TNR: variants seen among roughly 807,000 people sequenced by gnomAD.
The protein encoded by TNR is tenascin-R.
In TNR, 45 loss-of-function variants were observed where a neutral mutation model predicts 150.4. The ratio of observed to expected loss-of-function variants is 0.30; its 90% CI spans 0.24 to 0.38. TNR has a LOEUF of 0.38. TNR is among the 10% of genes least tolerant of loss of function. The probability of loss-of-function intolerance (pLI) is 1.00; values close to 1 mark genes in which losing one functional copy is unlikely to be tolerated. For missense variants in TNR, 1,544 were observed against 1,759.1 expected, an observed-to-expected ratio of 0.88 and a Z score of 2.19; for synonymous variants, 687 against 678.4, an observed-to-expected ratio of 1.01 and a Z score of -0.20.
intron 1 of TNR, among the ~76,000 whole-genome samples, chr1:175,590,815 G>A (rs900086455): frequency 6.6e-6 from 1 of 152,236 alleles, no homozygotes; most frequent in Non-Finnish European, 1.5e-5. Flanking sequence ...AGGTAGTCAG[G>A]TGCCAGGGGC....
At chr1:175,656,365 G>A (rs563026442) in intron 1 of TNR, among the ~76,000 whole-genome samples, 2 of 152,264 alleles carry the variant, frequency 1.3e-5, no homozygotes, top group Non-Finnish European at 1.5e-5. Context: ...GCTGTCAGAC[G>A]AAAATATTTT....
At chr1:175,654,903 T>C (rs1665127926) in intron 1 of TNR, among the ~76,000 whole-genome samples, 2 of 151,992 alleles carry the variant, frequency 1.3e-5, no homozygotes, top group Admixed American at 6.6e-5. Flanking sequence ...TTTGTATTTT[T>C]AGTAGAGACA....
intron 1 of TNR, among the ~76,000 whole-genome samples, chr1:175,637,344 T>A (rs1664516403): frequency 6.6e-6 from 1 of 152,194 alleles, no homozygotes; most frequent in South Asian, 2.1e-4. Context: ...AAAGTAGAGA[T>A]AACATGGATA....
chr1:175,557,169 C>T (rs1661193428), intron 1 of TNR, among the ~76,000 whole-genome samples: 2 of 152,190 alleles, frequency 1.3e-5, no homozygotes, highest in South Asian at 4.1e-4. Flanking sequence ...CCACATGACA[C>T]TGGAAGCAGA....
chr1:175,386,326 C>A (rs1652927992), intron 7 of TNR, 25 bp from the exon 8 acceptor site: 2 of 1,513,154 alleles, frequency 1.3e-6, no homozygotes, highest in Admixed American at 2.2e-5. Flanking sequence ...TCAAACAGAA[C>A]AAAAAGTTTG....
chr1:175,677,470 T>C (rs1665897347), intron 1 of TNR, among the ~76,000 whole-genome samples: 1 of 152,140 alleles, frequency 6.6e-6, no homozygotes, highest in South Asian at 2.1e-4. Flanking sequence ...CACGAGGGAC[T>C]CTCCCATCAG....
At chr1:175,501,499 G>T (rs1173270106) in intron 2 of TNR, among the ~76,000 whole-genome samples, 1 of 152,228 alleles carries the variant, frequency 6.6e-6, no homozygotes, top group Non-Finnish European at 1.5e-5. Flanking sequence ...ATTGATTGCA[G>T]CCTTGTGAGG....
chr1:175,547,871 C>A (rs890772427), intron 1 of TNR, among the ~76,000 whole-genome samples: 15 of 152,150 alleles, frequency 9.9e-5, no homozygotes, highest in Admixed American at 5.9e-4. Context: ...CTGTAGAGAG[C>A]GTTGAATGCA....
intron 1 of TNR, among the ~76,000 whole-genome samples, chr1:175,707,502 A>G (rs1666873266): frequency 6.6e-6 from 1 of 152,228 alleles, no homozygotes; most frequent in Non-Finnish European, 1.5e-5. Flanking sequence ...TCCCAAATTT[A>G]TAAAGAAACA....
intron 2 of TNR, among the ~76,000 whole-genome samples, chr1:175,435,290 G>A (rs1314490310): frequency 6.6e-6 from 1 of 152,182 alleles, no homozygotes; most frequent in Non-Finnish European, 1.5e-5. Flanking sequence ...GATACATTTT[G>A]AAGGAAGAAT....
chr1:175,385,245 G>C (rs1253380045), intron 8 of TNR, among the ~76,000 whole-genome samples: 1 of 152,196 alleles, frequency 6.6e-6, no homozygotes, highest in East Asian at 1.9e-4. Context: ...GTGCCAGAAA[G>C]CCTGTCCTTT....
intron 1 of TNR, among the ~76,000 whole-genome samples, chr1:175,675,770 G>A (rs1001817503): frequency 6.6e-6 from 1 of 152,172 alleles, no homozygotes; most frequent in African/African-American, 2.4e-5. Context: ...TGGGTGGGAT[G>A]GGGCATAGCT....
intron 1 of TNR, among the ~76,000 whole-genome samples, chr1:175,708,437 A>G (rs184020050): frequency 8.1e-4 from 124 of 152,324 alleles, no homozygotes; most frequent in African/African-American, 2.8e-3. Context: ...GGGTTAATGA[A>G]AGCCTGAATT....
At chr1:175,640,791 G>GTATATA (rs59240572) in intron 1 of TNR, among the ~76,000 whole-genome samples, 4,113 of 143,624 alleles carry the variant, frequency 0.029, 129 homozygotes, top group African/African-American at 0.074. Context: ...GTGTGTGTGG[G>GTATATA]TATATATATA....
chr1:175,702,179 TA>T (rs2101927871), intron 1 of TNR, among the ~76,000 whole-genome samples: 1 of 152,342 alleles, frequency 6.6e-6, no homozygotes, highest in East Asian at 1.9e-4. Context: ...CCATGTGTGC[TA>T]AATGACCACA....
At chr1:175,433,938 C>T (rs906764623) in intron 2 of TNR, among the ~76,000 whole-genome samples, 2 of 152,150 alleles carry the variant, frequency 1.3e-5, no homozygotes, top group Non-Finnish European at 2.9e-5. Context: ...GGGGAGGTGA[C>T]TACTTTTCTG....
At chr1:175,639,312 CTT>C (rs999821249) in intron 1 of TNR, among the ~76,000 whole-genome samples, 10 of 152,290 alleles carry the variant, frequency 6.6e-5, no homozygotes, top group Middle Eastern at 3.4e-3. Context: ...TTCCAGGACT[CTT>C]TCTACTTTTA....
chr1:175,670,115 G>C (rs976598033), intron 1 of TNR, among the ~76,000 whole-genome samples: 2 of 152,240 alleles, frequency 1.3e-5, no homozygotes, highest in African/African-American at 2.4e-5. Flanking sequence ...TGAGTTTCCG[G>C]AGTATTGGAA....
rs1284225962 is a variant in TNR at position 175,403,167 on chromosome 1, C to T, written c.949G>A (p.Gly317Ser). Residue 317 changes from glycine (G) to serine (S), a missense_variant, in exon 4 of 23, where the codon GGC becomes AGC. Physicochemically the swap from Gly to Ser is moderately conservative, Grantham distance 56. Around this residue, in one of 2 missense-constraint regions of TNR, gnomAD observed 1,254 missense variants for 1,329.4 expected, o/e 0.94. Coordinates refer to ENST00000367674, the MANE Select transcript of TNR (RefSeq NM_003285.3). ...CEEGLCVCEEGYQGPDCSAVA... is the reference protein window; with the variant it reads ...CEEGLCVCEESYQGPDCSAVA... ...GCTGAGCAGTCAGGGCCCTGGTAGCCCTCTTCACAGACGCAGAGCCCCTCC... is the reference window on the plus strand; with the variant it reads ...GCTGAGCAGTCAGGGCCCTGGTAGCTCTCTTCACAGACGCAGAGCCCCTCC... The T allele has an allele frequency of 3.1e-6, 5 of 1,613,856 alleles. No homozygotes were observed. Among genetic ancestry groups the T allele is most frequent in the Non-Finnish European group, 4.2e-6 (5 of 1,179,810 alleles).
Sources: gnomAD v4.1 joint callset for allele counts (sites outside exome capture counted in the v4.1 genomes callset) on GRCh38, gnomAD v4.1.1 for gene constraint, gnomAD v4.1.1 regional missense constraint, MANE v1.5 for transcripts, NCBI Gene and HGNC (gene_info 2026-07-23, HGNC 2026-07-21) for gene names.